Variants in CPLX1 observed in about 807,000 individuals in gnomAD.
CPLX1 encodes the protein complexin-1.
CPLX1 carries 6 observed loss-of-function variants against 15.6 expected under a neutral mutation model. The ratio of observed to expected loss-of-function variants is 0.39; its 90% CI spans 0.21 to 0.76. The LOEUF (loss-of-function observed/expected upper bound fraction) is 0.76. Ranked by LOEUF, CPLX1 falls within the 30% of genes least tolerant of loss-of-function variation. The pLI is 0.43. For synonymous variants in CPLX1, 91 were observed against 75.2 expected (o/e 1.21, Z -1.08); for missense variants, 242 against 188.6 (o/e 1.28, Z -1.66).
chr4:807,044 A>G (rs1746566988), intron 2 of CPLX1, among the ~76,000 whole-genome samples: 1 of 152,242 alleles, frequency 6.6e-6, no homozygotes, highest in Admixed American at 6.5e-5. Flanking sequence ...TTGCAGCATT[A>G]TTCACAATAG....
intron 2 of CPLX1, among the ~76,000 whole-genome samples, chr4:809,434 C>T (rs1335793905): frequency 2.6e-5 from 4 of 151,442 alleles, no homozygotes; most frequent in Non-Finnish European, 4.4e-5. Context: ...TCTGCCCTGC[C>T]TCGTGCCCTC....
At chr4:786,859 C>CG (rs145744400) in intron 3 of CPLX1, 161 bp from the exon 4 acceptor site, 273,601 of 981,030 alleles carry the variant, frequency 0.28, 39,445 homozygotes, top group Middle Eastern at 0.36. Flanking sequence ...GACCCCACCC[C>CG]GGGGGGTCCC....
intron 2 of CPLX1, among the ~76,000 whole-genome samples, chr4:799,951 A>C (rs1746418864): frequency 6.6e-6 from 1 of 152,198 alleles, no homozygotes; most frequent in African/African-American, 2.4e-5. Flanking sequence ...ATTAAACCCA[A>C]GAGGGGTCGC....
At chr4:808,777 T>C (rs1746603840) in intron 2 of CPLX1, among the ~76,000 whole-genome samples, 1 of 152,226 alleles carries the variant, frequency 6.6e-6, no homozygotes, top group Non-Finnish European at 1.5e-5. Context: ...ACTTAAAAAC[T>C]TGAATGAAAT....
At chr4:813,268 A>C (rs1746694918) in intron 2 of CPLX1, among the ~76,000 whole-genome samples, 4 of 150,316 alleles carry the variant, frequency 2.7e-5, no homozygotes, top group Admixed American at 2.6e-4. Flanking sequence ...CTGTCTCAAA[A>C]AAAAAAAAAA....
intron 2 of CPLX1, among the ~76,000 whole-genome samples, chr4:807,357 T>C (rs1746574604): frequency 6.6e-6 from 1 of 152,186 alleles, no homozygotes; most frequent in African/African-American, 2.4e-5. Flanking sequence ...GAAAAATAGC[T>C]AATGCATGCT....
At chr4:824,186 C>A (rs985988798) in intron 2 of CPLX1, among the ~76,000 whole-genome samples, 1 of 152,258 alleles carries the variant, frequency 6.6e-6, no homozygotes, top group African/African-American at 2.4e-5. Flanking sequence ...TGCACCCTCC[C>A]CCAGGACGTG....
At chr4:788,651 A>T (rs1174919536) in intron 3 of CPLX1, 12 of 941,498 alleles carry the variant, frequency 1.3e-5, no homozygotes, top group Non-Finnish European at 1.5e-5. Flanking sequence ...CCACAGCGGG[A>T]AGGGCAGCAG....
chr4:789,835 A>G (rs1384820553), intron 3 of CPLX1, among the ~76,000 whole-genome samples: 1 of 152,184 alleles, frequency 6.6e-6, no homozygotes, highest in Non-Finnish European at 1.5e-5. Flanking sequence ...AACCCCCAAG[A>G]TGCCGGGGGG....
At chr4:819,771 A>G (rs985949094) in intron 2 of CPLX1, among the ~76,000 whole-genome samples, 4 of 152,234 alleles carry the variant, frequency 2.6e-5, no homozygotes, top group African/African-American at 9.6e-5. Context: ...TGTAAAGACC[A>G]CCACTAAACA....
chr4:799,805 G>A (rs1746416284), intron 2 of CPLX1, among the ~76,000 whole-genome samples: 1 of 152,246 alleles, frequency 6.6e-6, no homozygotes, highest in South Asian at 2.1e-4. Flanking sequence ...AGAGGTTGCA[G>A]TGAGCCGAGA....
At chr4:815,775 ACAGTGTTT>A (rs1746741772) in intron 2 of CPLX1, among the ~76,000 whole-genome samples, 2 of 152,342 alleles carry the variant, frequency 1.3e-5, no homozygotes, top group African/African-American at 4.8e-5. Context: ...GGCTGTTGAT[ACAGTGTTT>A]GCCACTGCAA....
intron 3 of CPLX1, chr4:787,151 G>A (rs928750892): frequency 2.4e-5 from 24 of 985,280 alleles, no homozygotes; most frequent in Non-Finnish European, 2.7e-5. Context: ...TCACACTCCC[G>A]GGCCTGGCCA....
chr4:802,121 C>A (rs185330575), intron 2 of CPLX1, among the ~76,000 whole-genome samples: 148 of 152,330 alleles, frequency 9.7e-4, no homozygotes, highest in African/African-American at 3.6e-3. Flanking sequence ...ATGGTAGTTT[C>A]ATTTGTAACA....
chr4:821,965 C>A (rs1746872293), intron 2 of CPLX1, among the ~76,000 whole-genome samples: 1 of 152,200 alleles, frequency 6.6e-6, no homozygotes, highest in African/African-American at 2.4e-5. Flanking sequence ...GTCCTCACCT[C>A]TTCCTCCTCT....
intron 3 of CPLX1, among the ~76,000 whole-genome samples, chr4:791,742 C>T (rs764096221): frequency 2.0e-5 from 3 of 152,180 alleles, no homozygotes; most frequent in Non-Finnish European, 4.4e-5. Flanking sequence ...GGCCAGGGCA[C>T]GGGGTGAGCA....
intron 2 of CPLX1, among the ~76,000 whole-genome samples, chr4:794,466 GT>G (rs1425884926): frequency 6.6e-6 from 1 of 152,234 alleles, no homozygotes; most frequent in Admixed American, 6.5e-5. Flanking sequence ...CATCTGCCAT[GT>G]TTTGCAAAGC....
At chr4:824,770 A>C in intron 1 of CPLX1, 169 bp from the exon 2 acceptor site, 1 of 679,138 alleles carries the variant, frequency 1.5e-6, no homozygotes, top group Non-Finnish European at 2.7e-6. Context: ...CACCCAAACC[A>C]GGACCCCAGA....
At chr4:798,788 T>C (rs1448605515) in intron 2 of CPLX1, among the ~76,000 whole-genome samples, 1 of 152,204 alleles carries the variant, frequency 6.6e-6, no homozygotes, top group Non-Finnish European at 1.5e-5. Context: ...TGACACTTTA[T>C]ATAAAAATGA....
Sources: allele counts gnomAD v4.1 joint callset (sites outside exome capture counted in the v4.1 genomes callset), GRCh38; gene constraint gnomAD v4.1.1; transcripts MANE v1.5; gene names NCBI Gene and HGNC (gene_info 2026-07-23, HGNC 2026-07-21).